The following LMBRD1 variants were observed in gnomAD, a reference collection of about 807,000 sequenced individuals.
The protein encoded by LMBRD1 is lysosomal cobalamin transport escort protein LMBD1.
A neutral mutation model predicts 74.8 loss-of-function variants in LMBRD1; 64 were observed. The ratio of observed to expected loss-of-function variants is 0.86; its 90% confidence interval spans 0.70 to 1.05. LMBRD1 has a LOEUF of 1.05. LMBRD1 is among the 50% of genes least tolerant of loss of function. The pLI is 0.00. For synonymous variants in LMBRD1, 204 were observed against 216.3 expected (o/e 0.94, Z 0.50); for missense variants, 652 against 645.9 (o/e 1.01, Z -0.10).
chr6:69,691,682 C>T (rs1765882743), intron 14 of LMBRD1, among the ~76,000 whole-genome samples: 1 of 151,904 alleles, frequency 6.6e-6, no homozygotes, highest in South Asian at 2.1e-4. Flanking sequence ...GGAGATCATC[C>T]TGGCTAACAC....
intron 3 of LMBRD1, among the ~76,000 whole-genome samples, chr6:69,752,989 A>G (rs1221357837): frequency 1.3e-5 from 2 of 152,212 alleles, no homozygotes; most frequent in Admixed American, 1.3e-4. Flanking sequence ...TGAATAATGC[A>G]GCTATGAACA....
At chr6:69,711,798 T>C (rs374415983) in intron 9 of LMBRD1, among the ~76,000 whole-genome samples, 1 of 152,194 alleles carries the variant, frequency 6.6e-6, no homozygotes. Context: ...TGAACCTGAC[T>C]GACTCATCTT....
rs193162116 is a variant in LMBRD1, at chr6:69,738,366, C to T, written c.563-351G>A. Among the ~76,000 whole-genome samples the T allele has an allele frequency of 7.2e-5, 11 of 152,168 alleles. No individual in the cohort carries two copies. The East Asian group carries it at 1.7e-3, about 24-fold the overall frequency. On this transcript the variant is annotated intron_variant, in intron 6 of 15. Transcript: ENST00000649934. ...TCACATGGCCTTTCTCAATGGCAGA[C>T]CCTGAGAAATAACATTTCATAGGAA...
chr6:69,756,720 A>G (rs1246357237), intron 3 of LMBRD1, among the ~76,000 whole-genome samples: 1 of 152,206 alleles, frequency 6.6e-6, no homozygotes, highest in Non-Finnish European at 1.5e-5. Flanking sequence ...CTTATTGGAG[A>G]CTTGCAAAAC....
chr6:69,761,358 G>C (rs1391510660), intron 3 of LMBRD1, among the ~76,000 whole-genome samples: 1 of 151,994 alleles, frequency 6.6e-6, no homozygotes, highest in East Asian at 1.9e-4. Flanking sequence ...TCAGACAAAA[G>C]GCTAAATAAT....
At chr6:69,700,310 T>C (rs1305545210) in intron 12 of LMBRD1, among the ~76,000 whole-genome samples, 1 of 151,836 alleles carries the variant, frequency 6.6e-6, no homozygotes, top group Non-Finnish European at 1.5e-5. Flanking sequence ...GATATGGTAA[T>C]CTTTACTAAT....
intron 3 of LMBRD1, among the ~76,000 whole-genome samples, chr6:69,761,410 T>G (rs573459108): frequency 6.6e-6 from 1 of 152,288 alleles, no homozygotes; most frequent in East Asian, 1.9e-4. Flanking sequence ...AAGAATCACA[T>G]TCCAATGTAT....
intron 5 of LMBRD1, among the ~76,000 whole-genome samples, chr6:69,742,105 G>A (rs1387881953): frequency 6.6e-6 from 1 of 151,614 alleles, no homozygotes; most frequent in East Asian, 1.9e-4. Context: ...TATGTTTTTT[G>A]CACTTAAAAT....
chr6:69,731,730 G>A (rs1435042877), intron 7 of LMBRD1, among the ~76,000 whole-genome samples: 1 of 152,020 alleles, frequency 6.6e-6, no homozygotes, highest in Non-Finnish European at 1.5e-5. Context: ...CAGTAGTTTA[G>A]GTGTATTAAA....
chr6:69,725,543 A>G (rs941751426), intron 7 of LMBRD1, among the ~76,000 whole-genome samples: 4 of 152,144 alleles, frequency 2.6e-5, no homozygotes, highest in African/African-American at 9.7e-5. Flanking sequence ...AGACACACGG[A>G]CCAATGGAAC....
At chr6:69,693,837 G>T in intron 14 of LMBRD1, among the ~76,000 whole-genome samples, 1 of 151,642 alleles carries the variant, frequency 6.6e-6, no homozygotes, top group African/African-American at 2.4e-5. Context: ...AAACTACCCT[G>T]CCACCCCAAA....
At position 69,760,968 on chromosome 6, in the gene LMBRD1, CT is replaced by C. The variant is rs1765360724; in HGVS notation, c.308-8613del. 3.3e-5 allele frequency among the ~76,000 whole-genome samples: 5 copies of C among 152,314 alleles called. 1 individual carries two copies. The South Asian group carries it at 8.3e-4, about 25-fold the overall frequency. On this transcript the variant is annotated intron_variant, in intron 3 of 15. Coordinates refer to ENST00000649934, the MANE Select transcript of LMBRD1 (RefSeq NM_018368.4). ...GAATGACTACAGTCCCACCAGACAT[CT>C]TCCTTGTAGCCCAACAAGAGAACCT...
At chr6:69,792,824 T>C (rs1766115243) in intron 1 of LMBRD1, among the ~76,000 whole-genome samples, 1 of 152,204 alleles carries the variant, frequency 6.6e-6, no homozygotes. Flanking sequence ...TTTGTAGGTA[T>C]TACTGCAAAC....
chr6:69,692,273 GCTCTCTCTCTCT>G (rs138071564), intron 14 of LMBRD1, among the ~76,000 whole-genome samples: 10 of 120,430 alleles, frequency 8.3e-5, no homozygotes, highest in African/African-American at 3.2e-4. Flanking sequence ...TTTAAGGTGC[GCTCTCTCTCTCT>G]CTCGCTCTCT....
In LMBRD1 at chr6:69,788,004, A is replaced by C. The variant is rs1312569931; in HGVS notation, c.246+2292T>G. 4.6e-5 allele frequency among the ~76,000 whole-genome samples: 7 copies of C among 152,216 alleles called. No homozygotes were observed. In the South Asian group the frequency reaches 1.0e-3, roughly 23 times the overall value. On this transcript the variant is annotated intron_variant, in intron 2 of 15. Coordinates refer to ENST00000649934, the MANE Select transcript of LMBRD1 (RefSeq NM_018368.4). Reference sequence around the variant, plus strand: ...GTATAATGCAATCTCATAGATTTAAATATCGAAAACAAAGAAACAAAACAA... The same window carrying C: ...GTATAATGCAATCTCATAGATTTAACTATCGAAAACAAAGAAACAAAACAA...
At chr6:69,689,659 T>C (rs1216618337) in intron 14 of LMBRD1, among the ~76,000 whole-genome samples, 1 of 152,270 alleles carries the variant, frequency 6.6e-6, no homozygotes, top group East Asian at 1.9e-4. Flanking sequence ...TTGCTTGTTC[T>C]AAGTTTTATT....
chr6:69,743,299 C>A (rs1993482), intron 5 of LMBRD1, among the ~76,000 whole-genome samples: 1 of 151,862 alleles, frequency 6.6e-6, no homozygotes, highest in Non-Finnish European at 1.5e-5. Flanking sequence ...AAAAGAAATA[C>A]GTATTAGGAT....
intron 3 of LMBRD1, among the ~76,000 whole-genome samples, chr6:69,769,386 CTATT>C (rs1461406804): frequency 6.6e-6 from 1 of 152,138 alleles, no homozygotes; most frequent in Non-Finnish European, 1.5e-5. Context: ...TTGAACATCT[CTATT>C]TGTCACACTT....
chr6:69,740,544 C>A lies in LMBRD1; in HGVS notation c.562+1245G>T, dbSNP rs533446463. ...ATTAGTAGATGCGAGGCCTGCTACC[C>A]TTATTCTTGCTGGTATCAGCAAGAT... On this transcript the variant is annotated intron_variant, in intron 6 of 15. Coordinates refer to ENST00000649934, the MANE Select transcript of LMBRD1 (RefSeq NM_018368.4). 5.9e-5 allele frequency among the ~76,000 whole-genome samples: 9 copies of A among 152,236 alleles called. No homozygotes were observed. The East Asian group carries it at 1.7e-3, about 29-fold the overall frequency.
Sources: allele counts gnomAD v4.1 joint callset (sites outside exome capture counted in the v4.1 genomes callset), GRCh38; gene constraint gnomAD v4.1.1; transcripts MANE v1.5; gene names NCBI Gene and HGNC (gene_info 2026-07-23, HGNC 2026-07-21).